The following PANK3 variants were observed in gnomAD, a reference collection of about 807,000 sequenced individuals.
The protein encoded by PANK3 is hPanK3.
Under a neutral mutation model 39.4 loss-of-function variants are expected in PANK3, and 20 were observed. That is an observed-to-expected ratio of 0.51 (90% CI 0.36 to 0.74). PANK3 has a LOEUF of 0.74. Among genes scored for constraint, PANK3 ranks in the 30% least tolerant of loss-of-function variants. The pLI is 0.00. For missense variants in PANK3, 265 were observed against 437.0 expected (o/e 0.61, Z 3.51); for synonymous variants, 140 against 157.3 (o/e 0.89, Z 0.82).
chr5:168,561,386 T>G lies in PANK3; in HGVS notation c.936+7A>C, dbSNP rs1759445440. On this transcript the variant is annotated splice_region_variant and intron_variant, in intron 5 of 6. Coordinates refer to ENST00000239231, the MANE Select transcript of PANK3 (RefSeq NM_024594.4). ...TAATTCAAGTTTTGTGTTTTTTGTTTTTTTACCTCATTAACAGCACACATT... is the reference window on the plus strand; with the variant it reads ...TAATTCAAGTTTTGTGTTTTTTGTTGTTTTACCTCATTAACAGCACACATT... The G allele has an allele frequency of 6.4e-7, 1 of 1,566,940 alleles. No individual in the cohort carries two copies. The highest frequency in any genetic ancestry group is 8.6e-7 in the Non-Finnish European group (1 of 1,161,116).
In PANK3 at chr5:168,557,215, T is replaced by A. The variant is rs10061365; in HGVS notation, c.*356A>T. ...ACACATAAAACAGACTTGTAACAAATATTCAGAGTCGATTATTTTCATAAG... is the reference window on the plus strand; with the variant it reads ...ACACATAAAACAGACTTGTAACAAAAATTCAGAGTCGATTATTTTCATAAG... On this transcript the variant is annotated 3_prime_UTR_variant, in exon 7 of 7. Transcript: ENST00000239231. 0.033 allele frequency: 6,181 copies of A among 186,598 alleles called. 400 individuals carry two copies. Among genetic ancestry groups the A allele is most frequent in the African/African-American group, 0.14 (5,825 of 42,540 alleles). 11.6% of individuals were successfully genotyped at this position (186,598 alleles called of 1,614,324 possible).
At chr5:168,573,982 G>T (rs1195456145) in intron 1 of PANK3, among the ~76,000 whole-genome samples, 3 of 151,862 alleles carry the variant, frequency 2.0e-5, no homozygotes, top group Non-Finnish European at 2.9e-5. Flanking sequence ...AAACATACGT[G>T]TGCATGTGTC....
chr5:168,572,878 G>C (rs527656243), intron 1 of PANK3, among the ~76,000 whole-genome samples: 59 of 152,250 alleles, frequency 3.9e-4, no homozygotes, highest in African/African-American at 1.4e-3. Context: ...AGTGGGATTA[G>C]GGGTGGCGTG....
At position 168,579,327 on chromosome 5, in the gene PANK3, C is replaced by T; in HGVS notation, c.-44G>A. 6.9e-7 allele frequency: 1 copy of T among 1,442,990 alleles called. No individual in the cohort carries two copies. The highest frequency in any genetic ancestry group is 2.7e-5 in the East Asian group (1 of 36,376). 89.4% of individuals were successfully genotyped at this position (1,442,990 alleles called of 1,614,324 possible). A position where few individuals can be genotyped will look rare whatever the true frequency, so the allele number is the denominator to read the frequency against. On this transcript the variant is annotated 5_prime_UTR_variant, in exon 1 of 7. The change creates a new upstream start codon in the 5' untranslated region. Coordinates refer to ENST00000239231, the MANE Select transcript of PANK3 (RefSeq NM_024594.4). ...GATGGACGGCCTCCGATCCGGGGCA[C>T]TGAGAGCAGAGGCGGCGACTCCGGA...
rs1028579631 is a variant in PANK3, at chr5:168,550,917, A to G, written c.*6654T>C. On this transcript the variant is annotated 3_prime_UTR_variant, in exon 7 of 7. Coordinates refer to ENST00000239231, the MANE Select transcript of PANK3 (RefSeq NM_024594.4). The stretch of plus-strand genomic sequence containing the variant: ...AATACAATACCAAATATGACCTCAC[A>G]TTCACTGAATATGCAGGAATAATGC... 33 of 152,180 alleles carry G rather than the reference A, an allele frequency of 2.2e-4. No homozygotes were observed. Among genetic ancestry groups the G allele is most frequent in the African/African-American group, 8.0e-4 (33 of 41,452 alleles). The allele number at this position is 152,180 out of a possible 1,614,324, so 9.4% of individuals were successfully genotyped here.
At chr5:168,565,866 A>AT (rs1554125716) in intron 3 of PANK3, 147 bp downstream of exon 3, 58 of 141,744 alleles carry the variant, frequency 4.1e-4, no homozygotes, top group Middle Eastern at 2.8e-3. Flanking sequence ...TTAAAAAAAA[A>AT]AAATATATAT....
intron 6 of PANK3, among the ~76,000 whole-genome samples, 192 bp downstream of exon 6, chr5:168,558,840 C>T (rs1014768215): frequency 6.6e-6 from 1 of 152,114 alleles, no homozygotes; most frequent in Non-Finnish European, 1.5e-5. Flanking sequence ...AATAAATTTT[C>T]TGGGCACAGT....
chr5:168,571,081 A>G (rs1244743885), intron 1 of PANK3, among the ~76,000 whole-genome samples: 1 of 152,188 alleles, frequency 6.6e-6, no homozygotes. Context: ...AGATTATACT[A>G]TAGTCAGATC....
chr5:168,559,361 C>T (rs1759407105), intron 5 of PANK3, among the ~76,000 whole-genome samples: 1 of 152,040 alleles, frequency 6.6e-6, no homozygotes, highest in African/African-American at 2.4e-5. Flanking sequence ...ATCCAAAATC[C>T]ACAAAATGTG....
At chr5:168,567,270 G>A (rs1409914560) in intron 2 of PANK3, among the ~76,000 whole-genome samples, 1 of 152,140 alleles carries the variant, frequency 6.6e-6, no homozygotes, top group Non-Finnish European at 1.5e-5. Context: ...CTATGCATAG[G>A]TGCAAGCATA....
intron 5 of PANK3, among the ~76,000 whole-genome samples, chr5:168,559,846 G>A (rs1184538950): frequency 6.6e-6 from 1 of 152,120 alleles, no homozygotes; most frequent in Admixed American, 6.5e-5. Flanking sequence ...TGGGGTACTG[G>A]CATGTGCATT....
chr5:168,551,078 T>C lies in PANK3; in HGVS notation c.*6493A>G, dbSNP rs1759267079. ...CATTATCGTGAATGGGCTATCCAAA[T>C]ACTCTTAACAGAAGGAATTCCTTTT... On this transcript the variant is annotated 3_prime_UTR_variant, in exon 7 of 7. Coordinates refer to ENST00000239231, the MANE Select transcript of PANK3 (RefSeq NM_024594.4). The C allele has an allele frequency of 6.6e-6, 1 of 152,180 alleles. No individual in the cohort carries two copies. The highest frequency in any genetic ancestry group is 1.5e-5 in the Non-Finnish European group (1 of 68,006). The allele number at this position is 152,180 out of a possible 1,614,324, so 9.4% of individuals were successfully genotyped here.
rs1554125712 is a variant in PANK3, at chr5:168,565,868, A to ATATATATAT, written c.635+144_635+145insATATATATA. The stretch of plus-strand genomic sequence containing the variant: ...CACCCTCTTTCACTTAAAAAAAAAA[A>ATATATATAT]ATATATATATATATATATTTTTTTT... On this transcript the variant is annotated intron_variant, in intron 3 of 6. Coordinates refer to ENST00000239231, the MANE Select transcript of PANK3 (RefSeq NM_024594.4). 6.1e-5 allele frequency: 8 copies of ATATATATAT among 131,940 alleles called. No homozygotes were observed. In the East Asian group the frequency reaches 1.2e-3, roughly 19 times the overall value. 8.2% of individuals were successfully genotyped at this position (131,940 alleles called of 1,614,324 possible).
chr5:168,575,619 C>G (rs1294902976), intron 1 of PANK3, among the ~76,000 whole-genome samples: 1 of 152,046 alleles, frequency 6.6e-6, no homozygotes, highest in East Asian at 1.9e-4. Context: ...AACCCCATCT[C>G]TGCCAAAAAC....
intron 1 of PANK3, among the ~76,000 whole-genome samples, chr5:168,569,750 C>A (rs1224260483): frequency 6.6e-6 from 1 of 152,066 alleles, no homozygotes; most frequent in Admixed American, 6.6e-5. Context: ...GAGAAAAGCA[C>A]CTCCTTAAAA....
chr5:168,564,210 G>A, intron 3 of PANK3, 145 bp from the exon 4 acceptor site: 54 of 686,188 alleles, frequency 7.9e-5, no homozygotes, highest in South Asian at 6.8e-4. Context: ...ACATAACGAA[G>A]GCAACAAAAA....
chr5:168,575,168 G>C (rs1759712958), intron 1 of PANK3, among the ~76,000 whole-genome samples: 1 of 152,158 alleles, frequency 6.6e-6, no homozygotes, highest in African/African-American at 2.4e-5. Context: ...CTCATGACCT[G>C]TTCATTATGC....
chr5:168,572,475 G>A (rs745908961), intron 1 of PANK3, among the ~76,000 whole-genome samples: 3 of 151,854 alleles, frequency 2.0e-5, no homozygotes, highest in African/African-American at 4.8e-5. Context: ...AGGCAGTGGA[G>A]TTAGGAGCAA....
rs763724050 is a variant in PANK3 at position 168,550,066 on chromosome 5, T to C, written c.*7505A>G. ...TCCGACTTAACAATGGTTTGACTTA[T>C]GGTTTTTCAACTTTATAATGGGGCA... On this transcript the variant is annotated 3_prime_UTR_variant, in exon 7 of 7. Coordinates refer to ENST00000239231, the MANE Select transcript of PANK3 (RefSeq NM_024594.4). 3.3e-5 allele frequency: 5 copies of C among 152,234 alleles called. No homozygotes were observed. Among genetic ancestry groups the C allele is most frequent in the Admixed American group, 6.5e-5 (1 of 15,282 alleles). The allele number at this position is 152,234 out of a possible 1,614,324, so 9.4% of individuals were successfully genotyped here.
Sources: gnomAD v4.1 joint callset for allele counts (sites outside exome capture counted in the v4.1 genomes callset) on GRCh38, gnomAD v4.1.1 for gene constraint, MANE v1.5 for transcripts, NCBI Gene and HGNC (gene_info 2026-07-23, HGNC 2026-07-21) for gene names.